The following GPHN variants were observed in gnomAD, a reference collection of about 807,000 sequenced individuals.
The protein encoded by GPHN is gephyrin.
GPHN carries 17 observed loss-of-function variants against 95.5 expected under a neutral mutation model. The ratio of observed to expected loss-of-function variants is 0.18; its 90% CI spans 0.12 to 0.27. The LOEUF is 0.27. GPHN is among the 10% of genes least tolerant of loss of function. The probability of loss-of-function intolerance (pLI) is 1.00; values close to 1 mark genes in which losing one functional copy is unlikely to be tolerated. For synonymous variants in GPHN, 320 were observed against 322.5 expected, an observed-to-expected ratio of 0.99 and a Z score of 0.08; for missense variants, 660 against 978.1, an observed-to-expected ratio of 0.67 and a Z score of 4.34.
chr14:67,584,882 T>C, the GPHN span, among the ~76,000 whole-genome samples: 1 of 152,204 alleles, frequency 6.6e-6, no homozygotes, highest in Non-Finnish European at 1.5e-5. Flanking sequence ...TGTACAGAGG[T>C]GTTATAAAGG....
At chr14:67,215,302 G>T in the GPHN span, among the ~76,000 whole-genome samples, 19 of 152,074 alleles carry the variant, frequency 1.2e-4, 1 homozygote, top group Admixed American at 1.2e-3. Context: ...GATAAAAAAT[G>T]GTTCAATGTG....
chr14:67,551,953 A>C, the GPHN span, among the ~76,000 whole-genome samples: 1 of 152,122 alleles, frequency 6.6e-6, no homozygotes, highest in Admixed American at 6.5e-5. Flanking sequence ...GGCTCAGGCC[A>C]CTGCTCGGCA....
chr14:67,244,838 T>G, the GPHN span, among the ~76,000 whole-genome samples: 5 of 152,236 alleles, frequency 3.3e-5, no homozygotes, highest in Non-Finnish European at 5.9e-5. Context: ...TTTGCTTAAG[T>G]GGCAAAGGCT....
At chr14:67,415,204 T>C in the GPHN span, among the ~76,000 whole-genome samples, 1 of 152,238 alleles carries the variant, frequency 6.6e-6, no homozygotes, top group Non-Finnish European at 1.5e-5. Context: ...AGACAGATGA[T>C]CAGTATGTTT....
At chr14:67,721,961 T>A in the GPHN span, among the ~76,000 whole-genome samples, 1 of 152,096 alleles carries the variant, frequency 6.6e-6, no homozygotes, top group Admixed American at 6.6e-5. Flanking sequence ...GTTAACTTCA[T>A]TGAAGTAAAA....
At chr14:66,770,419 G>A (rs10162523) in intron 2 of GPHN, among the ~76,000 whole-genome samples, 46,140 of 152,070 alleles carry the variant, frequency 0.3, 11,465 homozygotes, top group African/African-American at 0.66. Flanking sequence ...CATCCAGAAT[G>A]GTATTGCCTA....
At chr14:67,150,453 C>CAAAAAAAAAAAA (rs1164806975) in intron 18 of GPHN, among the ~76,000 whole-genome samples, 33 of 98,054 alleles carry the variant, frequency 3.4e-4, no homozygotes, top group African/African-American at 8.2e-4. Context: ...AAAAAAAAAA[C>CAAAAAAAAAAAA]AAAAAAAAAA....
At chr14:67,547,758 C>T in the GPHN span, among the ~76,000 whole-genome samples, 1 of 152,328 alleles carries the variant, frequency 6.6e-6, no homozygotes, top group Admixed American at 6.5e-5. Flanking sequence ...ACACAGTCTA[C>T]TTGCACCTGA....
chr14:66,587,275 G>C (rs1193589690), intron 1 of GPHN, among the ~76,000 whole-genome samples: 6 of 152,150 alleles, frequency 3.9e-5, no homozygotes, highest in Non-Finnish European at 5.9e-5. Context: ...AGGACTTGAT[G>C]GTTTCACATC....
the GPHN span, chr14:67,335,245 T>C: frequency 6.6e-6 from 1 of 152,222 alleles, no homozygotes; most frequent in Non-Finnish European, 1.5e-5. Context: ...ATATTCAACA[T>C]AGTCCTTAAA....
chr14:66,622,881 G>A (rs550950690), intron 1 of GPHN, among the ~76,000 whole-genome samples: 1 of 152,180 alleles, frequency 6.6e-6, no homozygotes, highest in African/African-American at 2.4e-5. Flanking sequence ...AGATTTTCCT[G>A]TCTTCTTCTG....
the GPHN span, among the ~76,000 whole-genome samples, chr14:67,703,172 C>A: frequency 6.6e-6 from 1 of 152,020 alleles, no homozygotes; most frequent in Non-Finnish European, 1.5e-5. Context: ...ACAAACTCAC[C>A]AGTTTATAAA....
the GPHN span, among the ~76,000 whole-genome samples, chr14:67,480,999 T>C: frequency 5.9e-5 from 9 of 152,052 alleles, no homozygotes; most frequent in Admixed American, 5.2e-4. Context: ...AGACAGGAAG[T>C]TGCTGAACAG....
intron 8 of GPHN, among the ~76,000 whole-genome samples, chr14:66,940,260 G>T (rs2067347184): frequency 6.6e-6 from 1 of 151,332 alleles, no homozygotes; most frequent in Non-Finnish European, 1.5e-5. Context: ...TTTTGTTGTT[G>T]TTTTTTTTCA....
chr14:67,522,318 T>G, the GPHN span, among the ~76,000 whole-genome samples: 1 of 152,188 alleles, frequency 6.6e-6, no homozygotes, highest in African/African-American at 2.4e-5. Context: ...CTGGGCAAAT[T>G]TAAAAGAATT....
chr14:67,079,051 C>T (rs988176513), intron 11 of GPHN, among the ~76,000 whole-genome samples: 20 of 151,916 alleles, frequency 1.3e-4, no homozygotes, highest in African/African-American at 4.6e-4. Flanking sequence ...AAATAAAAAG[C>T]TGGTTGGTTA....
chr14:67,224,460 T>C, the GPHN span, among the ~76,000 whole-genome samples: 4 of 151,874 alleles, frequency 2.6e-5, no homozygotes, highest in East Asian at 7.7e-4. Context: ...TGGGGTTTCA[T>C]TGTGTTAGCC....
At chr14:67,323,031 A>C in the GPHN span, among the ~76,000 whole-genome samples, 1 of 152,134 alleles carries the variant, frequency 6.6e-6, no homozygotes, top group African/African-American at 2.4e-5. Flanking sequence ...TATGATTCTA[A>C]TTGCTCCAAA....
chr14:67,056,474 G>A (rs941334425), intron 10 of GPHN, among the ~76,000 whole-genome samples: 1 of 152,076 alleles, frequency 6.6e-6, no homozygotes, highest in Non-Finnish European at 1.5e-5. Context: ...GCTGATTGGT[G>A]GATGTACAAT....
Sources: gnomAD v4.1 joint callset for allele counts (sites outside exome capture counted in the v4.1 genomes callset) on GRCh38, gnomAD v4.1.1 for gene constraint, MANE v1.5 for transcripts, NCBI Gene and HGNC (gene_info 2026-07-23, HGNC 2026-07-21) for gene names.